LRRC3B: variants seen among roughly 807,000 people sequenced by gnomAD.
LRRC3B encodes leucine-rich repeat-containing protein 3B.
A neutral mutation model predicts 12.8 loss-of-function variants in LRRC3B; 2 were observed. That is an observed-to-expected ratio of 0.16 (90% confidence interval 0.06 to 0.49). The LOEUF (loss-of-function observed/expected upper bound fraction) is 0.49, where lower values mean the gene tolerates loss of function less well. Ranked by LOEUF, LRRC3B falls within the 20% of genes least tolerant of loss-of-function variation. LRRC3B has a pLI of 0.96. For missense variants in LRRC3B, 189 were observed against 319.4 expected (o/e 0.59, Z 3.11); for synonymous variants, 132 against 122.0 (o/e 1.08, Z -0.54).
intron 1 of LRRC3B, among the ~76,000 whole-genome samples, chr3:26,653,353 T>G (rs967295751): frequency 1.3e-5 from 2 of 152,188 alleles, no homozygotes; most frequent in African/African-American, 4.8e-5. Flanking sequence ...TTCTGTCATT[T>G]TTTTTACAGA....
intron 1 of LRRC3B, among the ~76,000 whole-genome samples, chr3:26,679,874 G>A (rs1359262806): frequency 1.3e-5 from 2 of 152,144 alleles, no homozygotes; most frequent in Non-Finnish European, 2.9e-5. Context: ...GAGAAGGAGT[G>A]ATGAAAGGAT....
Position 26,647,342 on chromosome 3 carries a change from C to T in LRRC3B, c.-161+24105C>T, listed in dbSNP as rs939899973. Among the ~76,000 whole-genome samples the T allele has an allele frequency of 5.3e-5, 8 of 152,220 alleles. No homozygotes were observed. In the East Asian group the frequency reaches 1.4e-3, roughly 26 times the overall value. Reference sequence around the variant, plus strand: ...AGCCTCTCTCTCTCAACCCAGAGATCCTGGGAGCAGAGACCGTAGCTTTTG... The same window carrying T: ...AGCCTCTCTCTCTCAACCCAGAGATTCTGGGAGCAGAGACCGTAGCTTTTG... On this transcript the variant is annotated intron_variant, in intron 1 of 1. Coordinates refer to ENST00000396641, the Ensembl canonical transcript of LRRC3B.
chr3:26,633,371 A>G (rs1170336462), intron 1 of LRRC3B, among the ~76,000 whole-genome samples: 3 of 152,200 alleles, frequency 2.0e-5, no homozygotes, highest in Non-Finnish European at 4.4e-5. Flanking sequence ...GTGAGGCTTA[A>G]ATGAATTAAC....
rs191046515 is a variant in LRRC3B, at chr3:26,641,633, G to A, written c.-161+18396G>A. ...GGGCACGTTGGGGCAGGAGACTGGG[G>A]TGGTATGATAGGGTGTTAGCCTATG... On this transcript the variant is annotated intron_variant, in intron 1 of 1. Transcript: ENST00000396641. 1.4e-4 allele frequency among the ~76,000 whole-genome samples: 22 copies of A among 152,278 alleles called. No individual in the cohort carries two copies. The East Asian group carries it at 4.2e-3, about 29-fold the overall frequency.
intron 1 of LRRC3B, among the ~76,000 whole-genome samples, chr3:26,655,624 T>C (rs751512026): frequency 9.2e-5 from 14 of 152,210 alleles, no homozygotes; most frequent in Non-Finnish European, 1.5e-4. Context: ...TTTATCTTTT[T>C]AGTTATCTTT....
intron 1 of LRRC3B, 140 bp from the exon 2 acceptor site, chr3:26,709,373 C>T (rs1700689921): frequency 2.6e-6 from 1 of 390,646 alleles, no homozygotes; most frequent in East Asian, 4.7e-5. Flanking sequence ...TCGCAGATAA[C>T]TCCCAGTGGC....
intron 1 of LRRC3B, among the ~76,000 whole-genome samples, chr3:26,683,115 A>G (rs1003966583): frequency 4.6e-5 from 7 of 152,020 alleles, no homozygotes; most frequent in Non-Finnish European, 1.0e-4. Flanking sequence ...GAATGGGAGG[A>G]GTTTAGGAAA....
intron 1 of LRRC3B, among the ~76,000 whole-genome samples, chr3:26,677,105 T>C (rs751728782): frequency 7.9e-5 from 12 of 152,144 alleles, no homozygotes; most frequent in Non-Finnish European, 1.3e-4. Context: ...ATCAATCTCA[T>C]TTGCAAAATG....
At chr3:26,623,109 C>T (rs1309927936) in exon 1 of LRRC3B, 1 of 152,152 alleles carries the variant, frequency 6.6e-6, no homozygotes, top group Non-Finnish European at 1.5e-5. Context: ...GGCAGCTCGG[C>T]TTGCAGCTGG....
intron 1 of LRRC3B, among the ~76,000 whole-genome samples, chr3:26,663,979 T>A (rs1699546967): frequency 6.6e-6 from 1 of 152,140 alleles, no homozygotes; most frequent in Non-Finnish European, 1.5e-5. Context: ...CATTTGAACA[T>A]GTACTTTCAT....
At position 26,632,078 on chromosome 3, in the gene LRRC3B, C is replaced by G. The variant is rs567850623; in HGVS notation, c.-161+8841C>G. 2.0e-3 allele frequency among the ~76,000 whole-genome samples: 311 copies of G among 152,302 alleles called. 1 individual carries two copies. Among genetic ancestry groups the G allele is most frequent in the African/African-American group, 7.2e-3 (299 of 41,566 alleles). On this transcript the variant is annotated intron_variant, in intron 1 of 1. Transcript: ENST00000396641. ...AGGGTCTGTTACATCTGGAGCACTT[C>G]TGGGAGCCTACAATAAAAGGATGAG...
At chr3:26,675,541 G>T (rs569135826) in intron 1 of LRRC3B, among the ~76,000 whole-genome samples, 8 of 152,282 alleles carry the variant, frequency 5.3e-5, no homozygotes, top group Non-Finnish European at 1.0e-4. Context: ...AAGCCTCACT[G>T]AGTGTTTTTT....
rs139185948 is a variant in LRRC3B at position 26,669,864 on chromosome 3, A to G, written c.-160-39649A>G. On this transcript the variant is annotated intron_variant, in intron 1 of 1. Transcript: ENST00000396641. ...TGTTGCTTTGGTTTGGTTCAGTTCA[A>G]TTAGGTTCAGTTTGCTTCCTTGAGG... Among the ~76,000 whole-genome samples, 1,216 of 152,264 alleles carry G rather than the reference A, an allele frequency of 8.0e-3. 14 individuals are homozygous for G. Among genetic ancestry groups the G allele is most frequent in the African/African-American group, 0.028 (1,167 of 41,552 alleles).
At chr3:26,644,883 A>C (rs534027494) in intron 1 of LRRC3B, among the ~76,000 whole-genome samples, 1 of 152,318 alleles carries the variant, frequency 6.6e-6, no homozygotes, top group South Asian at 2.1e-4. Flanking sequence ...CACATACATA[A>C]ACATACACTC....
intron 1 of LRRC3B, among the ~76,000 whole-genome samples, chr3:26,628,980 A>C (rs1361179598): frequency 6.6e-6 from 1 of 152,216 alleles, no homozygotes; most frequent in Non-Finnish European, 1.5e-5. Flanking sequence ...CTTTTATGTT[A>C]ATACTTGTCC....
chr3:26,674,141 A>G (rs951774448), intron 1 of LRRC3B, among the ~76,000 whole-genome samples: 1 of 152,182 alleles, frequency 6.6e-6, no homozygotes, highest in Admixed American at 6.5e-5. Context: ...TAGTTTTTGG[A>G]TTACTGATGC....
chr3:26,638,260 A>C (rs1474160569), intron 1 of LRRC3B, among the ~76,000 whole-genome samples: 1 of 152,212 alleles, frequency 6.6e-6, no homozygotes, highest in Non-Finnish European at 1.5e-5. Flanking sequence ...ATGATATAAA[A>C]AAAATTTCAG....
At chr3:26,710,173 C>T in exon 2 of LRRC3B, 1 of 1,613,898 alleles carries the variant, frequency 6.2e-7, no homozygotes, top group Non-Finnish European at 8.5e-7. Context: ...ATGAGACAGC[C>T]CACAACGTGA....
At chr3:26,679,690 A>C (rs893305870) in intron 1 of LRRC3B, among the ~76,000 whole-genome samples, 1 of 152,156 alleles carries the variant, frequency 6.6e-6, no homozygotes, top group African/African-American at 2.4e-5. Context: ...CTGACATTAC[A>C]TCATTTATTT....
Sources: allele counts gnomAD v4.1 joint callset (sites outside exome capture counted in the v4.1 genomes callset), GRCh38; gene constraint gnomAD v4.1.1; transcripts MANE v1.5; gene names NCBI Gene and HGNC (gene_info 2026-07-23, HGNC 2026-07-21).